Variants in KBTBD3 observed in about 807,000 individuals in gnomAD.
The protein encoded by KBTBD3 is kelch repeat and BTB domain-containing protein 3.
A neutral mutation model predicts 49.6 loss-of-function variants in KBTBD3; 38 were observed. The ratio of observed to expected loss-of-function variants is 0.77; its 90% CI spans 0.59 to 1.00. The LOEUF is 1.00. Ranked by LOEUF, KBTBD3 falls within the 50% of genes least tolerant of loss-of-function variation. The pLI, the probability that KBTBD3 is intolerant of heterozygous loss-of-function variation, is 0.00. For synonymous variants in KBTBD3, 214 were observed against 250.4 expected (o/e 0.85, Z 1.37); for missense variants, 661 against 712.0 (o/e 0.93, Z 0.81).
chr11:106,073,405 A>G (rs1860962582), intron 2 of KBTBD3, among the ~76,000 whole-genome samples: 1 of 151,746 alleles, frequency 6.6e-6, no homozygotes, highest in East Asian at 1.9e-4. Flanking sequence ...GCCTGGTCCC[A>G]TGCTATATGT....
chr11:106,065,269 G>A (rs1222976752), intron 2 of KBTBD3, among the ~76,000 whole-genome samples: 2 of 152,170 alleles, frequency 1.3e-5, no homozygotes, highest in Non-Finnish European at 2.9e-5. Context: ...GCCTCCCAAA[G>A]TGCTGGGACT....
rs1860445837 is a variant in KBTBD3, at chr11:106,052,760, T to C, written c.*90A>G. 2 of 1,015,444 alleles carry C rather than the reference T, an allele frequency of 2.0e-6. No homozygotes were observed. Among genetic ancestry groups the C allele is most frequent in the South Asian group, 1.6e-5 (1 of 61,574 alleles). 62.9% of individuals were successfully genotyped at this position (1,015,444 alleles called of 1,614,324 possible). A position where few individuals can be genotyped will look rare whatever the true frequency, so the allele number is the denominator to read the frequency against. On this transcript the variant is annotated 3_prime_UTR_variant, in exon 4 of 4. Coordinates refer to ENST00000531837, the MANE Select transcript of KBTBD3 (RefSeq NM_198439.3). The stretch of plus-strand genomic sequence containing the variant: ...ATAATAACTAAAAGCAGGAATGTTT[T>C]ATTTCATTAAGATGTATAGATCTTT...
intron 2 of KBTBD3, among the ~76,000 whole-genome samples, chr11:106,066,325 T>C (rs554223398): frequency 6.6e-6 from 1 of 152,326 alleles, no homozygotes; most frequent in East Asian, 1.9e-4. Flanking sequence ...TACCGGGATT[T>C]ATCAAAAATA....
intron 2 of KBTBD3, among the ~76,000 whole-genome samples, chr11:106,072,361 T>C (rs566719357): frequency 6.6e-6 from 1 of 152,314 alleles, no homozygotes; most frequent in South Asian, 2.1e-4. Flanking sequence ...AAGGGTGTTA[T>C]ATGATTTTTT....
At chr11:106,071,403 T>C (rs1473452693) in intron 2 of KBTBD3, among the ~76,000 whole-genome samples, 3 of 152,152 alleles carry the variant, frequency 2.0e-5, no homozygotes, top group African/African-American at 7.2e-5. Flanking sequence ...AGATCTTGTG[T>C]TGGATTAAGT....
At chr11:106,073,261 T>A (rs1026491072) in intron 2 of KBTBD3, among the ~76,000 whole-genome samples, 2 of 145,650 alleles carry the variant, frequency 1.4e-5, no homozygotes, top group African/African-American at 2.5e-5. Flanking sequence ...CACTCAGCTT[T>A]TTTTTTTTTT....
At chr11:106,058,396 C>T (rs1375967453) in intron 3 of KBTBD3, among the ~76,000 whole-genome samples, 1 of 146,828 alleles carries the variant, frequency 6.8e-6, no homozygotes, top group African/African-American at 2.6e-5. Context: ...AAAAAAAAAT[C>T]ATTAGTTAAT....
At chr11:106,056,657 G>A (rs1033772035) in intron 3 of KBTBD3, among the ~76,000 whole-genome samples, 4 of 152,200 alleles carry the variant, frequency 2.6e-5, no homozygotes, top group African/African-American at 4.8e-5. Flanking sequence ...AATTCTATGA[G>A]TTAAGTCCCA....
intron 3 of KBTBD3, chr11:106,057,739 T>C: frequency 3.8e-6 from 1 of 263,946 alleles, no homozygotes; most frequent in Non-Finnish European, 7.0e-6. Context: ...GCCTTATAGC[T>C]AAGAAGTACT....
intron 3 of KBTBD3, 97 bp downstream of exon 3, chr11:106,058,768 C>A: frequency 8.6e-6 from 6 of 699,162 alleles, no homozygotes; most frequent in African/African-American, 1.9e-5. Context: ...TTAAAAATTA[C>A]TGTTGCATGT....
intron 2 of KBTBD3, among the ~76,000 whole-genome samples, chr11:106,063,504 T>C (rs1860744985): frequency 6.6e-6 from 1 of 152,236 alleles, no homozygotes; most frequent in Non-Finnish European, 1.5e-5. Context: ...GAATCAGGCT[T>C]GAGTTCCAGT....
At chr11:106,058,659 G>A (rs1006070161) in intron 3 of KBTBD3, 43 of 499,064 alleles carry the variant, frequency 8.6e-5, no homozygotes, top group Non-Finnish European at 1.3e-4. Flanking sequence ...CCTGACCTCA[G>A]GTGATCCGCC....
chr11:106,070,437 C>T (rs948114626), intron 2 of KBTBD3, among the ~76,000 whole-genome samples: 1 of 151,764 alleles, frequency 6.6e-6, no homozygotes, highest in East Asian at 1.9e-4. Flanking sequence ...GCGCAAAAGG[C>T]ACAAAGAGAT....
chr11:106,066,543 T>C (rs542979209), intron 2 of KBTBD3, among the ~76,000 whole-genome samples: 1 of 152,178 alleles, frequency 6.6e-6, no homozygotes, highest in South Asian at 2.1e-4. Flanking sequence ...AAATGAAAGC[T>C]CAGAAAGCAA....
intron 2 of KBTBD3, among the ~76,000 whole-genome samples, chr11:106,073,381 G>T (rs1860962200): frequency 6.7e-6 from 1 of 150,130 alleles, no homozygotes; most frequent in Non-Finnish European, 1.5e-5. Flanking sequence ...TTGACTACAG[G>T]CATGAGCCAC....
chr11:106,067,713 A>G (rs549094809), intron 2 of KBTBD3, among the ~76,000 whole-genome samples: 1 of 152,340 alleles, frequency 6.6e-6, no homozygotes, highest in Admixed American at 6.5e-5. Flanking sequence ...GGAGACAGAC[A>G]GAAAAAACAG....
chr11:106,055,159 T>A (rs1475153138), intron 3 of KBTBD3, among the ~76,000 whole-genome samples: 3 of 152,208 alleles, frequency 2.0e-5, no homozygotes, highest in South Asian at 4.1e-4. Context: ...GCTTGAAAGT[T>A]CTTCATAATA....
Position 106,052,720 on chromosome 11 carries a change from A to C in KBTBD3, c.*130T>G. 1.5e-6 allele frequency: 1 copy of C among 671,178 alleles called. No individual in the cohort carries two copies. Among genetic ancestry groups the C allele is most frequent in the East Asian group, 2.7e-5 (1 of 37,204 alleles). The allele number at this position is 671,178 out of a possible 1,614,324, so 41.6% of individuals were successfully genotyped here. On this transcript the variant is annotated 3_prime_UTR_variant, in exon 4 of 4. Transcript: ENST00000531837. The stretch of plus-strand genomic sequence containing the variant: ...AAGTTTTTGGAAACTGTTTATTCAT[A>C]TATGGTGTACATACATAATAACTAA...
intron 3 of KBTBD3, among the ~76,000 whole-genome samples, chr11:106,055,940 A>C (rs938272654): frequency 1.3e-5 from 2 of 152,232 alleles, no homozygotes; most frequent in African/African-American, 4.8e-5. Flanking sequence ...TATTAATCTT[A>C]GAGTATCCAG....
Sources: allele counts gnomAD v4.1 joint callset (sites outside exome capture counted in the v4.1 genomes callset), GRCh38; gene constraint gnomAD v4.1.1; transcripts MANE v1.5; gene names NCBI Gene and HGNC (gene_info 2026-07-23, HGNC 2026-07-21).